The following SHOC1 variants were observed in gnomAD, a reference collection of about 807,000 sequenced individuals.
SHOC1 encodes the protein protein shortage in chiasmata 1 ortholog.
A neutral mutation model predicts 179.2 loss-of-function variants in SHOC1; 136 were observed. That is an observed-to-expected ratio of 0.76 (90% CI 0.66 to 0.87). SHOC1 has a LOEUF of 0.87. Ranked by LOEUF, SHOC1 falls within the 40% of genes least tolerant of loss-of-function variation. The pLI is 0.00. For synonymous variants in SHOC1, 489 were observed against 586.6 expected (o/e 0.83, Z 2.41); for missense variants, 1,538 against 1,700.8 (o/e 0.90, Z 1.68).
chr9:111,692,016 GGACAACT>G lies in SHOC1; in HGVS notation c.3954_3960del (p.Val1319ProfsTer4). On this transcript the variant is annotated frameshift_variant, in exon 27 of 28. Transcript: ENST00000682961. LOFTEE classifies it high-confidence loss of function. ...CTTTTCTGAGAATTTATAAAACGGGGGACAACTGACACTCTCTTCTGAGTGTCAGTTG... is the reference window on the plus strand; with the variant it reads ...CTTTTCTGAGAATTTATAAAACGGGGGACACTCTCTTCTGAGTGTCAGTTG... 1 of 1,613,066 alleles carries G rather than the reference GGACAACT, an allele frequency of 6.2e-7. No individual in the cohort carries two copies. Among genetic ancestry groups the G allele is most frequent in the South Asian group, 1.1e-5 (1 of 90,938 alleles).
rs371543438 is a variant in SHOC1 at position 111,702,173 on chromosome 9, C to T, written c.3021G>A (p.Leu1007=). Residue 1007 remains leucine, a synonymous_variant, in exon 23 of 28, where the codon CTG becomes CTA. Transcript: ENST00000682961. ...ATCTGTACTGTAATGATAATGCCATCAGCCTCATAATGATATTGTCTGATG... is the reference window on the plus strand; with the variant it reads ...ATCTGTACTGTAATGATAATGCCATTAGCCTCATAATGATATTGTCTGATG... ...EKASDNIIMR[L]MALSLQYRYC... is the part of the protein sequence containing the mutation. 12 of 1,481,446 alleles carry T rather than the reference C, an allele frequency of 8.1e-6. No individual in the cohort carries two copies. The highest frequency in any genetic ancestry group is 1.1e-5 in the Non-Finnish European group (12 of 1,062,446). The allele number at this position is 1,481,446 out of a possible 1,614,324, so 91.8% of individuals were successfully genotyped here. A position where few individuals can be genotyped will look rare whatever the true frequency, so the allele number is the denominator to read the frequency against.
intron 11 of SHOC1, among the ~76,000 whole-genome samples, chr9:111,740,929 G>T (rs551992291): frequency 6.6e-6 from 1 of 152,160 alleles, no homozygotes; most frequent in Admixed American, 6.5e-5. Flanking sequence ...GCTCCTTCAC[G>T]TAGGCTGGAG....
At chr9:111,792,552 A>C (rs2131661623) in intron 1 of SHOC1, among the ~76,000 whole-genome samples, 1 of 152,286 alleles carries the variant, frequency 6.6e-6, no homozygotes, top group African/African-American at 2.4e-5. Flanking sequence ...CAGTGACCCA[A>C]GATCACACCA....
chr9:111,697,966 T>C (rs565424478), intron 24 of SHOC1, among the ~76,000 whole-genome samples: 20 of 152,226 alleles, frequency 1.3e-4, no homozygotes, highest in Non-Finnish European at 2.6e-4. Context: ...TTTTCTTGTG[T>C]CTGTTGGATG....
chr9:111,784,896 A>G (rs2131641900), intron 3 of SHOC1, among the ~76,000 whole-genome samples: 1 of 152,238 alleles, frequency 6.6e-6, no homozygotes, highest in South Asian at 2.1e-4. Flanking sequence ...CTCCATCCTC[A>G]TGTTCTAGTC....
chr9:111,692,258 G>A lies in SHOC1; in HGVS notation c.3719C>T (p.Ser1240Leu). 6.2e-7 allele frequency: 1 copy of A among 1,613,692 alleles called. No individual in the cohort carries two copies. Among genetic ancestry groups the A allele is most frequent in the Non-Finnish European group, 8.5e-7 (1 of 1,179,712 alleles). ...NSSIMELKEI[S>L]SFLPPVTSYN... is the part of the protein sequence containing the mutation. ...TGAAGTCACAGGTGGTAAAAAACTTGAGATTTCTTTTAGTTCCATAATGGA... is the reference window on the plus strand; with the variant it reads ...TGAAGTCACAGGTGGTAAAAAACTTAAGATTTCTTTTAGTTCCATAATGGA... The change falls in exon 27 of 28, where the codon TCA becomes TTA. Residue 1240 changes from serine (S) to leucine (L), a missense_variant. Coordinates refer to ENST00000682961, the MANE Select transcript of SHOC1 (RefSeq NM_001378211.1).
At chr9:111,733,335 A>G (rs12341333) in intron 12 of SHOC1, among the ~76,000 whole-genome samples, 8,495 of 152,058 alleles carry the variant, frequency 0.056, 592 homozygotes, top group African/African-American at 0.16. Flanking sequence ...GAAACATTTT[A>G]CTTTCCTCTT....
intron 17 of SHOC1, 40 bp from the exon 18 acceptor site, chr9:111,713,212 ATTC>A: frequency 9.0e-7 from 1 of 1,109,190 alleles, no homozygotes; most frequent in Non-Finnish European, 1.3e-6. Flanking sequence ...GTGGATGATT[ATTC>A]TTTTTCACAG....
intron 18 of SHOC1, among the ~76,000 whole-genome samples, chr9:111,711,468 G>C (rs1832546024): frequency 6.6e-6 from 1 of 152,118 alleles, no homozygotes; most frequent in Non-Finnish European, 1.5e-5. Flanking sequence ...TGAGATGGGG[G>C]TCTATTAACA....
At position 111,714,580 on chromosome 9, in the gene SHOC1, G is replaced by C; in HGVS notation, c.2280C>G (p.Gly760=). The change falls in exon 17 of 28, where the codon GGC becomes GGG. Residue 760 remains glycine (G), a synonymous_variant. Coordinates refer to ENST00000682961, the MANE Select transcript of SHOC1 (RefSeq NM_001378211.1). ...KAKDIYNSIL[G]PYLGDIWRQL... ...GTCTCCAAATGTCACCCAAATAGGG[G>C]CCTAAAATGCTGTTGTAGATATCTT... 6.2e-7 allele frequency: 1 copy of C among 1,613,718 alleles called. No individual in the cohort carries two copies. The highest frequency in any genetic ancestry group is 8.5e-7 in the Non-Finnish European group (1 of 1,179,860).
intron 12 of SHOC1, among the ~76,000 whole-genome samples, 172 bp from the exon 13 acceptor site, chr9:111,728,221 A>G (rs955396367): frequency 6.6e-6 from 1 of 152,172 alleles, no homozygotes; most frequent in African/African-American, 2.4e-5. Flanking sequence ...TAAATTTTTA[A>G]AAAGGATCAA....
At chr9:111,753,245 A>G (rs1834685392) in intron 8 of SHOC1, among the ~76,000 whole-genome samples, 1 of 152,226 alleles carries the variant, frequency 6.6e-6, no homozygotes, top group Non-Finnish European at 1.5e-5. Context: ...TTTTAAAAAA[A>G]TCAACATCAA....
At position 111,706,577 on chromosome 9, in the gene SHOC1, C is replaced by A; in HGVS notation, c.2728G>T (p.Val910Phe). Residue 910 changes from valine (V) to phenylalanine (F), a missense_variant, in exon 20 of 28, where the codon GTT becomes TTT. Coordinates refer to ENST00000682961, the MANE Select transcript of SHOC1 (RefSeq NM_001378211.1). Reference sequence around the variant, plus strand: ...TGGCTTATATTCTTACTTTCTAAAACTGTGTCTGGAAGAATCACTTTAAAG... The same window carrying A: ...TGGCTTATATTCTTACTTTCTAAAAATGTGTCTGGAAGAATCACTTTAAAG... Reference protein sequence around the residue: ...MAFKVILPDTVLERSTLLDRF... With the variant: ...MAFKVILPDTFLERSTLLDRF... 1 of 1,527,134 alleles carries A rather than the reference C, an allele frequency of 6.5e-7. No homozygotes were observed. The highest frequency in any genetic ancestry group is 8.8e-7 in the Non-Finnish European group (1 of 1,139,916). 94.6% of individuals were successfully genotyped at this position (1,527,134 alleles called of 1,614,324 possible). A position where few individuals can be genotyped will look rare whatever the true frequency, so the allele number is the denominator to read the frequency against.
At chr9:111,744,484 C>T (rs1232451446) in intron 10 of SHOC1, among the ~76,000 whole-genome samples, 1 of 152,114 alleles carries the variant, frequency 6.6e-6, no homozygotes, top group Non-Finnish European at 1.5e-5. Context: ...TGACACTTTC[C>T]TGAGACCATT....
chr9:111,755,756 T>C (rs1834824511), intron 8 of SHOC1, among the ~76,000 whole-genome samples: 1 of 152,162 alleles, frequency 6.6e-6, no homozygotes, highest in African/African-American at 2.4e-5. Flanking sequence ...TAGTCATAGG[T>C]GTTTTAGTTT....
chr9:111,700,053 A>C lies in SHOC1; in HGVS notation c.3090-6T>G. ...TCTTTTCTGTAAGCAGATACCTACA[A>C]AGAATTATATTACTATATTTCTATT... is the stretch of plus-strand genomic sequence containing the variant. On this transcript the variant is annotated splice_region_variant and splice_polypyrimidine_tract_variant and intron_variant, in intron 23 of 27. Coordinates refer to ENST00000682961, the MANE Select transcript of SHOC1 (RefSeq NM_001378211.1). 1 of 1,381,902 alleles carries C rather than the reference A, an allele frequency of 7.2e-7. No individual in the cohort carries two copies. Among genetic ancestry groups the C allele is most frequent in the African/African-American group, 1.4e-5 (1 of 70,054 alleles). 85.6% of individuals were successfully genotyped at this position (1,381,902 alleles called of 1,614,324 possible). A position where few individuals can be genotyped will look rare whatever the true frequency, so the allele number is the denominator to read the frequency against.
rs1283911886 is a variant in SHOC1 at position 111,705,422 on chromosome 9, TC to T, written c.2738-59del. The stretch of plus-strand genomic sequence containing the variant: ...TTTATTCTCATCTCCCAGCTCTTTC[TC>T]TTTTTTTTTTTACTAAACATGAGGA... On this transcript the variant is annotated intron_variant, in intron 20 of 27. Transcript: ENST00000682961. The T allele has an allele frequency of 1.5e-3, 1,009 of 677,638 alleles. 2 individuals carry two copies. The highest frequency in any genetic ancestry group is 3.9e-3 in the South Asian group (119 of 30,136). The allele number at this position is 677,638 out of a possible 1,614,324, so 42.0% of individuals were successfully genotyped here.
chr9:111,790,797 C>T (rs1172082248), intron 2 of SHOC1, among the ~76,000 whole-genome samples: 3 of 152,168 alleles, frequency 2.0e-5, no homozygotes, highest in African/African-American at 4.8e-5. Context: ...CCACCCGCCT[C>T]GGCCTCCCAA....
chr9:111,707,792 G>C (rs1832344747), intron 19 of SHOC1, 63 bp downstream of exon 19: 5 of 1,062,346 alleles, frequency 4.7e-6, no homozygotes, highest in Non-Finnish European at 7.0e-6. Flanking sequence ...CTTCTAGGAA[G>C]ATTTTGCTTT....
Sources: allele counts gnomAD v4.1 joint callset (sites outside exome capture counted in the v4.1 genomes callset), GRCh38; gene constraint gnomAD v4.1.1; transcripts MANE v1.5; gene names NCBI Gene and HGNC (gene_info 2026-07-23, HGNC 2026-07-21).